The following PKIB variants were observed in gnomAD, a reference collection of about 807,000 sequenced individuals.
The protein encoded by PKIB is cAMP-dependent protein kinase inhibitor beta.
Under a neutral mutation model 4.5 loss-of-function variants are expected in PKIB, and 2 were observed. The ratio of observed to expected loss-of-function variants is 0.44; its 90% CI spans 0.18 to 1.39. PKIB has a LOEUF of 1.39. Ranked by LOEUF, PKIB falls within the 40% of genes most tolerant of loss-of-function variation. The pLI, the probability that PKIB is intolerant of heterozygous loss-of-function variation, is 0.27. For synonymous variants in PKIB, 38 were observed against 36.0 expected (o/e 1.06, Z -0.20); for missense variants, 94 against 92.6 (o/e 1.02, Z -0.06).
intron 2 of PKIB, among the ~76,000 whole-genome samples, chr6:122,528,563 G>T (rs184843848): frequency 1.3e-5 from 2 of 152,270 alleles, no homozygotes; most frequent in Admixed American, 1.3e-4. Flanking sequence ...GATAGAGAAA[G>T]AAGGAGCTCT....
intron 3 of PKIB, among the ~76,000 whole-genome samples, chr6:122,682,532 T>A (rs1777937493): frequency 1.3e-5 from 2 of 152,342 alleles, no homozygotes; most frequent in South Asian, 2.1e-4. Flanking sequence ...GTAGGTTTTT[T>A]CAACTTGAGG....
chr6:122,719,379 A>G (rs1217004727), intron 4 of PKIB, among the ~76,000 whole-genome samples: 1 of 152,178 alleles, frequency 6.6e-6, no homozygotes, highest in African/African-American at 2.4e-5. Context: ...AGAAACTGAA[A>G]ATGTTAAAGA....
intron 3 of PKIB, among the ~76,000 whole-genome samples, chr6:122,589,650 G>A (rs1341284886): frequency 6.6e-6 from 1 of 152,128 alleles, no homozygotes; most frequent in Admixed American, 6.6e-5. Context: ...CATGATCTTA[G>A]ACTAGGGGCA....
At chr6:122,634,173 A>G (rs2114828517) in intron 2 of PKIB, among the ~76,000 whole-genome samples, 2 of 152,164 alleles carry the variant, frequency 1.3e-5, no homozygotes, top group South Asian at 4.1e-4. Context: ...ACACATGGAC[A>G]TAGGGAGGGG....
At chr6:122,489,523 C>T (rs1016692332) in intron 2 of PKIB, among the ~76,000 whole-genome samples, 2 of 152,246 alleles carry the variant, frequency 1.3e-5, no homozygotes, top group East Asian at 3.9e-4. Flanking sequence ...GCTGTGATTA[C>T]AGGCATGAGC....
chr6:122,561,953 A>C (rs1256027469), intron 2 of PKIB, among the ~76,000 whole-genome samples: 3 of 124,774 alleles, frequency 2.4e-5, no homozygotes, highest in East Asian at 2.5e-4. Context: ...TGCGTTCATC[A>C]TGCTCTTTGT....
At chr6:122,699,295 A>G (rs1206147311) in intron 3 of PKIB, among the ~76,000 whole-genome samples, 4 of 133,720 alleles carry the variant, frequency 3.0e-5, no homozygotes, top group Non-Finnish European at 1.6e-5. Context: ...ATATATATAT[A>G]TATATTGTGT....
intron 3 of PKIB, among the ~76,000 whole-genome samples, chr6:122,680,313 G>A (rs967180745): frequency 3.9e-5 from 6 of 152,196 alleles, no homozygotes; most frequent in African/African-American, 1.4e-4. Flanking sequence ...CATGCTAATA[G>A]TCTGACTGGG....
intron 3 of PKIB, among the ~76,000 whole-genome samples, chr6:122,713,532 T>TA (rs1463086860): frequency 6.6e-6 from 1 of 152,090 alleles, no homozygotes; most frequent in Admixed American, 6.6e-5. Context: ...TCGCCCCTTT[T>TA]AAAAAAACCA....
At chr6:122,506,322 G>A (rs1417124735) in intron 2 of PKIB, among the ~76,000 whole-genome samples, 1 of 152,170 alleles carries the variant, frequency 6.6e-6, no homozygotes, top group African/African-American at 2.4e-5. Flanking sequence ...GCACCGTTTG[G>A]TGGGAAGAAA....
At chr6:122,488,225 TAC>T (rs905250970) in intron 2 of PKIB, among the ~76,000 whole-genome samples, 6 of 151,788 alleles carry the variant, frequency 4.0e-5, no homozygotes, top group East Asian at 3.9e-4. Flanking sequence ...TTCATATATA[TAC>T]ACACACACAC....
Position 122,546,765 on chromosome 6 carries a change from A to C in PKIB, c.-247-39156A>C, listed in dbSNP as rs1772511517. ...GTAGACAAATATTATTTTTTAAAAA[A>C]CTTATGAAATTAATGAATTGAATGC... On this transcript the variant is annotated intron_variant, in intron 2 of 6. Transcript: ENST00000392491. Among the ~76,000 whole-genome samples, 4 of 152,214 alleles carry C rather than the reference A, an allele frequency of 2.6e-5. No individual in the cohort carries two copies. The South Asian group carries it at 8.3e-4, about 32-fold the overall frequency.
At chr6:122,506,526 T>C (rs1455729792) in intron 2 of PKIB, among the ~76,000 whole-genome samples, 1 of 152,078 alleles carries the variant, frequency 6.6e-6, no homozygotes, top group Non-Finnish European at 1.5e-5. Context: ...CTGGGCATGT[T>C]GTTTAGTGTA....
rs149294863 is a variant in PKIB, at chr6:122,615,444, A to G, written c.-161+4909A>G. 1.1e-4 allele frequency among the ~76,000 whole-genome samples: 17 copies of G among 152,298 alleles called. 1 individual carries two copies. Among genetic ancestry groups the G allele is most frequent in the Non-Finnish European group, 1.5e-4 (10 of 68,022 alleles). On this transcript the variant is annotated intron_variant, in intron 1 of 4. Transcript: ENST00000368452. ...AGTTGGGATATGAAGTTAAGAAGAC[A>G]TGAGAATGAAGAGTGCCTCTCAGAT... is the stretch of plus-strand genomic sequence containing the variant.
intron 3 of PKIB, among the ~76,000 whole-genome samples, chr6:122,602,944 A>C (rs970769952): frequency 7.1e-6 from 1 of 141,588 alleles, no homozygotes; most frequent in Non-Finnish European, 1.6e-5. Flanking sequence ...TGACAGGGCA[A>C]GACTGCGTCT....
At chr6:122,673,143 T>C (rs1777533368) in intron 2 of PKIB, among the ~76,000 whole-genome samples, 2 of 148,742 alleles carry the variant, frequency 1.3e-5, no homozygotes. Context: ...TTGGTTGTGT[T>C]GCAATAGACA....
At chr6:122,609,181 A>G (rs1296133886), upstream of PKIB, among the ~76,000 whole-genome samples, 1 of 152,234 alleles carries the variant, frequency 6.6e-6, no homozygotes, top group Non-Finnish European at 1.5e-5. Flanking sequence ...AATACAAAAC[A>G]AAATGTGCCT....
intron 2 of PKIB, among the ~76,000 whole-genome samples, chr6:122,545,062 A>G (rs1034471717): frequency 1.3e-5 from 2 of 152,124 alleles, no homozygotes; most frequent in African/African-American, 4.8e-5. Flanking sequence ...TTGTCCAGCC[A>G]CTGTTGAAAA....
rs138883066 is a variant in PKIB at position 122,624,601 on chromosome 6, G to T, written c.-160-8682G>T. Among the ~76,000 whole-genome samples the T allele has an allele frequency of 1.7e-3, 265 of 152,242 alleles. 1 individual carries two copies. The highest frequency in any genetic ancestry group is 6.1e-3 in the African/African-American group (253 of 41,552). Reference sequence around the variant, plus strand: ...GCAAAATATTAAGTATCAAGGAATGGTCATTTAATCATAAGAGAAAAATCA... The same window carrying T: ...GCAAAATATTAAGTATCAAGGAATGTTCATTTAATCATAAGAGAAAAATCA... On this transcript the variant is annotated intron_variant, in intron 1 of 4. Transcript: ENST00000368452.
Sources: gnomAD v4.1 joint callset for allele counts (sites outside exome capture counted in the v4.1 genomes callset) on GRCh38, gnomAD v4.1.1 for gene constraint, MANE v1.5 for transcripts, NCBI Gene and HGNC (gene_info 2026-07-23, HGNC 2026-07-21) for gene names.